The following SHB variants were observed in gnomAD, a reference collection of about 807,000 sequenced individuals.
SHB encodes the protein SH2 domain-containing adapter protein B.
Under a neutral mutation model 52.3 loss-of-function variants are expected in SHB, and 20 were observed. That is an observed-to-expected ratio of 0.38 (90% CI 0.27 to 0.56). The LOEUF (loss-of-function observed/expected upper bound fraction) is 0.56. SHB is among the 20% of genes least tolerant of loss of function. SHB has a pLI of 0.71. For synonymous variants in SHB, 397 were observed against 316.5 expected, an observed-to-expected ratio of 1.25 and a Z score of -2.70; for missense variants, 825 against 723.3, an observed-to-expected ratio of 1.14 and a Z score of -1.61.
intron 3 of SHB, among the ~76,000 whole-genome samples, chr9:37,973,627 A>G (rs1308522827): frequency 1.3e-5 from 2 of 152,238 alleles, no homozygotes; most frequent in African/African-American, 4.8e-5. Flanking sequence ...GCCCAAGATC[A>G]CTTTTCAAAA....
rs1383340264 is a variant in SHB, at chr9:37,919,715, CA to C, written c.*105del. On this transcript the variant is annotated 3_prime_UTR_variant, in exon 6 of 6. Transcript: ENST00000377707. The stretch of plus-strand genomic sequence containing the variant: ...CAGTGGTGTGCTAGTACCATACACA[CA>C]ACACAAACGACACAGCCAGCAACAG... 2 of 875,358 alleles carry C rather than the reference CA, an allele frequency of 2.3e-6. No individual in the cohort carries two copies. The highest frequency in any genetic ancestry group is 3.7e-6 in the Non-Finnish European group (2 of 541,292). The allele number at this position is 875,358 out of a possible 1,614,324, so 54.2% of individuals were successfully genotyped here.
chr9:37,925,738 C>A (rs1587192886), intron 5 of SHB, among the ~76,000 whole-genome samples: 1 of 152,168 alleles, frequency 6.6e-6, no homozygotes, highest in African/African-American at 2.4e-5. Flanking sequence ...TTTTCCATTA[C>A]CCCAAAGAAT....
At chr9:37,954,596 G>C (rs1832606869) in intron 4 of SHB, among the ~76,000 whole-genome samples, 1 of 152,206 alleles carries the variant, frequency 6.6e-6, no homozygotes, top group Non-Finnish European at 1.5e-5. Context: ...TCTAGGCAAT[G>C]GGCTGACAAC....
At chr9:37,972,547 A>G (rs1367349498) in intron 3 of SHB, among the ~76,000 whole-genome samples, 1 of 152,212 alleles carries the variant, frequency 6.6e-6, no homozygotes, top group African/African-American at 2.4e-5. Flanking sequence ...GGTGTGAGAA[A>G]TCTTCCCCCA....
At chr9:38,025,395 C>CTGCT (rs1445609481) in intron 1 of SHB, among the ~76,000 whole-genome samples, 1 of 152,186 alleles carries the variant, frequency 6.6e-6, no homozygotes, top group Non-Finnish European at 1.5e-5. Flanking sequence ...CGAGTGCTCC[C>CTGCT]CTAGGGGCCT....
Position 38,022,350 on chromosome 9 carries a change from C to T in SHB, c.718-6219G>A, listed in dbSNP as rs140893491. On this transcript the variant is annotated intron_variant, in intron 1 of 5. Transcript: ENST00000377707. Reference sequence around the variant, plus strand: ...CACAGATGCGACGCGTCGACTGCATCGTAATTCAACACTCATTATTCACCT... The same window carrying T: ...CACAGATGCGACGCGTCGACTGCATTGTAATTCAACACTCATTATTCACCT... Among the ~76,000 whole-genome samples, 374 of 152,292 alleles carry T rather than the reference C, an allele frequency of 2.5e-3. 1 individual carries two copies. Among genetic ancestry groups the T allele is most frequent in the African/African-American group, 8.6e-3 (356 of 41,578 alleles).
chr9:37,928,739 C>T (rs1361582066), intron 5 of SHB, among the ~76,000 whole-genome samples: 3 of 152,250 alleles, frequency 2.0e-5, no homozygotes, highest in Non-Finnish European at 4.4e-5. Flanking sequence ...GAACGTCTGA[C>T]GAATCCCGGC....
chr9:38,004,748 A>G (rs1821059072), intron 2 of SHB, among the ~76,000 whole-genome samples: 1 of 152,224 alleles, frequency 6.6e-6, no homozygotes, highest in African/African-American at 2.4e-5. Flanking sequence ...ACATGAGTGC[A>G]TGTGCCAGCG....
At chr9:38,065,226 T>C (rs1423024671) in intron 1 of SHB, among the ~76,000 whole-genome samples, 3 of 152,136 alleles carry the variant, frequency 2.0e-5, no homozygotes, top group African/African-American at 7.2e-5. Context: ...CTGGAAATAA[T>C]GTGAAAACAA....
At chr9:37,998,590 C>T (rs1336659229) in intron 2 of SHB, among the ~76,000 whole-genome samples, 4 of 152,164 alleles carry the variant, frequency 2.6e-5, no homozygotes, top group Non-Finnish European at 4.4e-5. Flanking sequence ...ATAGCTGAGA[C>T]TACAGGCACA....
chr9:37,924,002 G>C (rs1487111017), intron 5 of SHB, among the ~76,000 whole-genome samples: 2 of 152,240 alleles, frequency 1.3e-5, no homozygotes, highest in Non-Finnish European at 2.9e-5. Context: ...GTCGTTCAGG[G>C]AGGGCATTGC....
chr9:38,005,890 A>C (rs1363961734), intron 2 of SHB, among the ~76,000 whole-genome samples: 1 of 152,070 alleles, frequency 6.6e-6, no homozygotes, highest in Non-Finnish European at 1.5e-5. Context: ...AGGACTTCTC[A>C]TGGTGGCCCC....
At chr9:38,048,437 C>T (rs1443968103) in intron 1 of SHB, among the ~76,000 whole-genome samples, 1 of 152,154 alleles carries the variant, frequency 6.6e-6, no homozygotes, top group Admixed American at 6.6e-5. Context: ...AGTTTGAGAT[C>T]AGCCTGGGCA....
chr9:37,920,209 C>T (rs781149703), intron 5 of SHB, among the ~76,000 whole-genome samples: 4 of 152,122 alleles, frequency 2.6e-5, no homozygotes, highest in African/African-American at 2.4e-5. Flanking sequence ...TGACCCGGAA[C>T]CAGCAGCAGC....
At chr9:38,019,722 G>C (rs1821259564) in intron 1 of SHB, among the ~76,000 whole-genome samples, 1 of 152,022 alleles carries the variant, frequency 6.6e-6, no homozygotes, top group Admixed American at 6.6e-5. Flanking sequence ...GTTTGACCCA[G>C]CAATTTTACT....
At chr9:38,007,311 A>G (rs1218077495) in intron 2 of SHB, among the ~76,000 whole-genome samples, 4 of 152,190 alleles carry the variant, frequency 2.6e-5, no homozygotes, top group East Asian at 3.8e-4. Context: ...CATTCATGCA[A>G]TCGGTGAATA....
chr9:37,921,673 C>A (rs149110476), intron 5 of SHB, among the ~76,000 whole-genome samples: 44 of 152,260 alleles, frequency 2.9e-4, no homozygotes, highest in Non-Finnish European at 5.0e-4. Context: ...AGTGAAGGGT[C>A]ATTTCATCGG....
At position 38,062,624 on chromosome 9, in the gene SHB, C is replaced by A. The variant is rs138536262; in HGVS notation, c.717+5305G>T. Reference sequence around the variant, plus strand: ...CCATCCTAAACCAGCCCACCAAACACGTAAGAAAGCCTAGCCAGGATCAGC... The same window carrying A: ...CCATCCTAAACCAGCCCACCAAACAAGTAAGAAAGCCTAGCCAGGATCAGC... On this transcript the variant is annotated intron_variant, in intron 1 of 5. Transcript: ENST00000377707. 2.2e-3 allele frequency among the ~76,000 whole-genome samples: 340 copies of A among 152,258 alleles called. 1 individual carries two copies. Among genetic ancestry groups the A allele is most frequent in the African/African-American group, 7.9e-3 (329 of 41,534 alleles).
intron 1 of SHB, among the ~76,000 whole-genome samples, chr9:38,062,001 G>A (rs1019528027): frequency 6.6e-6 from 1 of 152,192 alleles, no homozygotes; most frequent in Admixed American, 6.5e-5. Flanking sequence ...ATGGGAGACA[G>A]AGAAACAGAA....
Sources: gnomAD v4.1 joint callset for allele counts (sites outside exome capture counted in the v4.1 genomes callset) on GRCh38, gnomAD v4.1.1 for gene constraint, MANE v1.5 for transcripts, NCBI Gene and HGNC (gene_info 2026-07-23, HGNC 2026-07-21) for gene names.